Variants in CSTPP1 observed in about 807,000 individuals in gnomAD.
CSTPP1 encodes centriolar satellite-associated tubulin polyglutamylase complex regulator 1.
chr11:47,144,236 TGGA>T, the CSTPP1 span, among the ~76,000 whole-genome samples: 1 of 152,212 alleles, frequency 6.6e-6, no homozygotes, highest in Non-Finnish European at 1.5e-5. Flanking sequence ...TTGCCCAGGC[TGGA>T]GTGCAGTGGC....
chr11:47,110,849 T>A, the CSTPP1 span, among the ~76,000 whole-genome samples: 1 of 150,766 alleles, frequency 6.6e-6, no homozygotes, highest in African/African-American at 2.4e-5. Context: ...GGGTTAGCCC[T>A]GATCCACCCA....
At chr11:46,965,619 C>G in the CSTPP1 span, among the ~76,000 whole-genome samples, 1 of 152,136 alleles carries the variant, frequency 6.6e-6, no homozygotes, top group African/African-American at 2.4e-5. Context: ...TTTTTAATCT[C>G]TAGCTTAGTA....
the CSTPP1 span, among the ~76,000 whole-genome samples, chr11:47,049,526 T>C: frequency 6.6e-6 from 1 of 151,660 alleles, no homozygotes; most frequent in African/African-American, 2.4e-5. Flanking sequence ...TGGTCCCAGC[T>C]AATTGGGAGG....
At chr11:47,047,709 A>G in the CSTPP1 span, among the ~76,000 whole-genome samples, 1 of 152,258 alleles carries the variant, frequency 6.6e-6, no homozygotes, top group African/African-American at 2.4e-5. Context: ...GGATACTATC[A>G]TGAAAGTGAA....
chr11:47,161,147 G>T, the CSTPP1 span: 1 of 1,614,194 alleles, frequency 6.2e-7, no homozygotes, highest in Non-Finnish European at 8.5e-7. Context: ...TGACAAGGGG[G>T]ATCTGATGCA....
the CSTPP1 span, among the ~76,000 whole-genome samples, chr11:46,952,492 C>G: frequency 6.6e-6 from 1 of 152,140 alleles, no homozygotes; most frequent in Non-Finnish European, 1.5e-5. Flanking sequence ...TCTGTCATAC[C>G]TAGTATATGC....
the CSTPP1 span, among the ~76,000 whole-genome samples, chr11:47,123,625 GAAA>G: frequency 2.6e-5 from 4 of 152,288 alleles, no homozygotes; most frequent in East Asian, 7.7e-4. Context: ...CTGCTCTGGA[GAAA>G]AAATAAAGCA....
chr11:47,066,349 A>G, the CSTPP1 span, among the ~76,000 whole-genome samples: 1 of 151,340 alleles, frequency 6.6e-6, no homozygotes, highest in Non-Finnish European at 1.5e-5. Context: ...GTCTGCATGG[A>G]TTTTCTCTGG....
chr11:47,061,017 G>C, the CSTPP1 span, among the ~76,000 whole-genome samples: 2 of 152,212 alleles, frequency 1.3e-5, no homozygotes, highest in Non-Finnish European at 2.9e-5. Flanking sequence ...GAGGGATGTG[G>C]CAGAGAAAGA....
At chr11:46,979,541 T>C in the CSTPP1 span, among the ~76,000 whole-genome samples, 1 of 152,224 alleles carries the variant, frequency 6.6e-6, no homozygotes, top group Non-Finnish European at 1.5e-5. Context: ...AGTGCTACTT[T>C]AGATTTCTCT....
the CSTPP1 span, among the ~76,000 whole-genome samples, chr11:47,051,108 T>C: frequency 1.7e-3 from 260 of 152,110 alleles, 2 homozygotes; most frequent in Admixed American, 4.8e-3. Flanking sequence ...GTCAGATTTT[T>C]CCCCCCCTTT....
chr11:47,086,363 G>A, the CSTPP1 span, among the ~76,000 whole-genome samples: 4 of 151,620 alleles, frequency 2.6e-5, no homozygotes, highest in African/African-American at 4.8e-5. Context: ...CCAAGATTGC[G>A]CCACTGCACT....
the CSTPP1 span, chr11:47,103,832 G>A: frequency 4.0e-5 from 6 of 151,606 alleles, no homozygotes; most frequent in Non-Finnish European, 8.8e-5. Context: ...GTGTTACCAC[G>A]CCCTGCTAAT....
the CSTPP1 span, among the ~76,000 whole-genome samples, chr11:46,952,128 ACTTT>A: frequency 6.6e-6 from 1 of 152,198 alleles, no homozygotes; most frequent in African/African-American, 2.4e-5. Context: ...TACAAGAAGC[ACTTT>A]CTTTCTTTCT....
the CSTPP1 span, among the ~76,000 whole-genome samples, chr11:47,069,119 AC>A: frequency 6.6e-6 from 1 of 152,202 alleles, no homozygotes; most frequent in Non-Finnish European, 1.5e-5. Context: ...TTGAAATTAA[AC>A]TTTTATAGAA....
At chr11:47,080,410 G>A in the CSTPP1 span, among the ~76,000 whole-genome samples, 1 of 152,094 alleles carries the variant, frequency 6.6e-6, no homozygotes, top group Non-Finnish European at 1.5e-5. Flanking sequence ...AGCCAAGATC[G>A]TGCCACTGCA....
At chr11:47,047,986 T>G in the CSTPP1 span, among the ~76,000 whole-genome samples, 4 of 152,320 alleles carry the variant, frequency 2.6e-5, no homozygotes, top group East Asian at 1.9e-4. Flanking sequence ...GTTGGCTGTT[T>G]TTTAAAAAGG....
chr11:47,065,096 A>C, the CSTPP1 span, among the ~76,000 whole-genome samples: 1 of 152,066 alleles, frequency 6.6e-6, no homozygotes, highest in Non-Finnish European at 1.5e-5. Context: ...GTTCTTCTTC[A>C]AGGTTGTTTT....
the CSTPP1 span, among the ~76,000 whole-genome samples, chr11:47,035,137 C>T: frequency 6.6e-6 from 1 of 152,320 alleles, no homozygotes; most frequent in African/African-American, 2.4e-5. Context: ...GTAGCTGCAG[C>T]AACTGCTTCA....
Sources: gnomAD v4.1 joint callset for allele counts (sites outside exome capture counted in the v4.1 genomes callset) on GRCh38, gnomAD v4.1.1 for gene constraint, MANE v1.5 for transcripts, NCBI Gene and HGNC (gene_info 2026-07-23, HGNC 2026-07-21) for gene names.